MYPN: variants seen among roughly 807,000 people sequenced by gnomAD.
The protein encoded by MYPN is sarcomeric protein myopalladin, 145 kDa (MYOP).
Under a neutral mutation model 129.4 loss-of-function variants are expected in MYPN, and 63 were observed. That is an observed-to-expected ratio of 0.49 (90% CI 0.40 to 0.60). MYPN has a LOEUF of 0.60. Among genes scored for constraint, MYPN ranks in the 20% least tolerant of loss-of-function variants. MYPN has a pLI of 0.00. For synonymous variants in MYPN, 629 were observed against 600.9 expected, an observed-to-expected ratio of 1.05 and a Z score of -0.68; for missense variants, 1,596 against 1,635.4, an observed-to-expected ratio of 0.98 and a Z score of 0.42.
At chr10:68,100,051 A>G (rs934115781) in intron 1 of MYPN, among the ~76,000 whole-genome samples, 1 of 152,180 alleles carries the variant, frequency 6.6e-6, no homozygotes, top group Non-Finnish European at 1.5e-5. Flanking sequence ...GAGGATAATG[A>G]TATAGTATAC....
chr10:68,166,586 G>C lies in MYPN; in HGVS notation c.1893G>C (p.Arg631Ser), dbSNP rs145440469. The C allele has an allele frequency of 6.2e-7, 1 of 1,614,000 alleles. No individual in the cohort carries two copies. The highest frequency in any genetic ancestry group is 8.5e-7 in the Non-Finnish European group (1 of 1,180,024). The change falls in exon 10 of 20, where the codon AGG becomes AGC. Residue 631 changes from arginine (R) to serine (S), a missense_variant. Arg to Ser is a moderately radical substitution (Grantham distance 110). Transcript: ENST00000358913. ...RQTRPDSFQE[R>S]FNGQATKTPE... ...CCAGGCCCGATTCTTTCCAGGAGAG[G>C]TTCAACGGACAGGCAACAAAAACCC... is the stretch of plus-strand genomic sequence containing the variant.
At chr10:68,193,193 A>C (rs1270274441) in intron 13 of MYPN, among the ~76,000 whole-genome samples, 1 of 151,984 alleles carries the variant, frequency 6.6e-6, no homozygotes, top group Non-Finnish European at 1.5e-5. Context: ...AAGTCTTATC[A>C]GATTCTAGTG....
At chr10:68,088,606 A>G (rs1367947698) in intron 1 of MYPN, among the ~76,000 whole-genome samples, 3 of 152,188 alleles carry the variant, frequency 2.0e-5, no homozygotes, top group East Asian at 3.8e-4. Context: ...CATTTTAATA[A>G]TATATTACCA....
At chr10:68,188,411 C>CT (rs11418567) in intron 12 of MYPN, among the ~76,000 whole-genome samples, 101,898 of 144,276 alleles carry the variant, frequency 0.71, 36,246 homozygotes, top group East Asian at 0.87. Context: ...TGCCTGGCCT[C>CT]TTTTTTTTTT....
At chr10:68,198,349 C>T (rs1457857521) in intron 16 of MYPN, among the ~76,000 whole-genome samples, 1 of 152,146 alleles carries the variant, frequency 6.6e-6, no homozygotes, top group Non-Finnish European at 1.5e-5. Context: ...ACCTCCATTA[C>T]CTTTAGCTAT....
chr10:68,209,323 T>C (rs1900011), intron 19 of MYPN, among the ~76,000 whole-genome samples: 79,337 of 152,066 alleles, frequency 0.52, 21,900 homozygotes, highest in African/African-American at 0.7. Context: ...TTGGTGAACA[T>C]AGAAACTCTA....
chr10:68,157,880 A>T (rs1031342500), intron 6 of MYPN, among the ~76,000 whole-genome samples: 2 of 150,918 alleles, frequency 1.3e-5, no homozygotes, highest in Non-Finnish European at 3.0e-5. Flanking sequence ...ACCCCCGACC[A>T]ATAAAAAAAA....
At chr10:68,097,415 G>T (rs139310508) in intron 1 of MYPN, among the ~76,000 whole-genome samples, 2 of 152,202 alleles carry the variant, frequency 1.3e-5, no homozygotes, top group Non-Finnish European at 2.9e-5. Context: ...TTACAGCTCA[G>T]TGCAACTGGG....
chr10:68,199,324 G>T, intron 16 of MYPN, 44 bp from the exon 17 acceptor site: 1 of 1,576,566 alleles, frequency 6.3e-7, no homozygotes, highest in Non-Finnish European at 8.7e-7. Flanking sequence ...AAATAAATGT[G>T]CCTGTCATCA....
At chr10:68,149,731 GA>G (rs1404581262) in intron 5 of MYPN, among the ~76,000 whole-genome samples, 1 of 152,174 alleles carries the variant, frequency 6.6e-6, no homozygotes, top group African/African-American at 2.4e-5. Flanking sequence ...TTCAAACTGT[GA>G]TCTGTGTAGC....
chr10:68,142,623 A>G (rs2042595094), intron 2 of MYPN, among the ~76,000 whole-genome samples: 1 of 152,228 alleles, frequency 6.6e-6, no homozygotes, highest in Middle Eastern at 3.2e-3. Context: ...GGAATCAGAA[A>G]GTCATTTTAG....
At chr10:68,152,562 A>T (rs1404588590) in intron 6 of MYPN, among the ~76,000 whole-genome samples, 2 of 152,230 alleles carry the variant, frequency 1.3e-5, no homozygotes, top group African/African-American at 4.8e-5. Flanking sequence ...ATAGGAGTCC[A>T]TAGAGGCAAC....
At chr10:68,200,753 A>T (rs958872714) in intron 17 of MYPN, among the ~76,000 whole-genome samples, 2 of 151,642 alleles carry the variant, frequency 1.3e-5, no homozygotes, top group African/African-American at 4.9e-5. Flanking sequence ...GCAAGACTCC[A>T]TCTCAAAAAA....
At chr10:68,173,832 A>T (rs2043180613) in intron 10 of MYPN, among the ~76,000 whole-genome samples, 2 of 81,812 alleles carry the variant, frequency 2.4e-5, no homozygotes, top group African/African-American at 3.5e-5. Flanking sequence ...TGTATATATA[A>T]TTTTTTTTTT....
upstream of MYPN, chr10:68,106,282 C>T: frequency 2.4e-5 from 9 of 373,912 alleles, no homozygotes; most frequent in East Asian, 8.7e-5. Flanking sequence ...GGGTTTTGAA[C>T]TTTTAGTTTT....
intron 2 of MYPN, among the ~76,000 whole-genome samples, chr10:68,139,360 T>C (rs1166064201): frequency 1.3e-5 from 2 of 152,200 alleles, no homozygotes; most frequent in Non-Finnish European, 2.9e-5. Context: ...GGTTTCCACA[T>C]TTCTCAAATC....
upstream of MYPN, among the ~76,000 whole-genome samples, chr10:68,107,178 C>A (rs987042679): frequency 6.6e-6 from 1 of 151,880 alleles, no homozygotes; most frequent in Non-Finnish European, 1.5e-5. Context: ...GTACTATAAC[C>A]AGAGTGTTCA....
intron 6 of MYPN, chr10:68,158,025 C>T (rs2042909835): frequency 1.3e-5 from 2 of 157,202 alleles, no homozygotes; most frequent in Non-Finnish European, 2.8e-5. Context: ...AAAACAATAG[C>T]GAGGGAAAAG....
chr10:68,155,775 T>G (rs918731326), intron 6 of MYPN, among the ~76,000 whole-genome samples: 1 of 152,172 alleles, frequency 6.6e-6, no homozygotes, highest in African/African-American at 2.4e-5. Flanking sequence ...CTTATAACTA[T>G]GACTCTTAAC....
Sources: gnomAD v4.1 joint callset for allele counts (sites outside exome capture counted in the v4.1 genomes callset) on GRCh38, gnomAD v4.1.1 for gene constraint, MANE v1.5 for transcripts, NCBI Gene and HGNC (gene_info 2026-07-23, HGNC 2026-07-21) for gene names.